Variants in HCFC2 observed in about 807,000 individuals in gnomAD.
HCFC2 encodes host cell factor 2.
In HCFC2, 18 loss-of-function variants were observed where a neutral mutation model predicts 89.2. The observed-to-expected ratio is 0.20, with a 90% CI of 0.14 to 0.30. The LOEUF (loss-of-function observed/expected upper bound fraction) is 0.30. Among genes scored for constraint, HCFC2 ranks in the 10% least tolerant of loss-of-function variants. The probability of loss-of-function intolerance (pLI) is 1.00; values close to 1 mark genes in which losing one functional copy is unlikely to be tolerated. For synonymous variants in HCFC2, 308 were observed against 335.7 expected, an observed-to-expected ratio of 0.92 and a Z score of 0.90; for missense variants, 578 against 956.1, an observed-to-expected ratio of 0.60 and a Z score of 5.21.
intron 7 of HCFC2, among the ~76,000 whole-genome samples, chr12:104,086,102 A>G (rs1170804337): frequency 1.3e-5 from 2 of 149,194 alleles, no homozygotes; most frequent in African/African-American, 5.0e-5. Flanking sequence ...GATTCAAGTG[A>G]TTCTTCTGCC....
chr12:104,106,042 T>C lies in HCFC2; in HGVS notation c.*2769T>C, dbSNP rs544351709. ...TCATATTGGCTTCATTTTAGTTTAATAAACTTCTTTGGCAACTTAATTAGA... is the reference window on the plus strand; with the variant it reads ...TCATATTGGCTTCATTTTAGTTTAACAAACTTCTTTGGCAACTTAATTAGA... On this transcript the variant is annotated 3_prime_UTR_variant, in exon 15 of 15. Coordinates refer to ENST00000229330, the MANE Select transcript of HCFC2 (RefSeq NM_013320.3). 6.6e-6 allele frequency: 1 copy of C among 152,160 alleles called. No homozygotes were observed. Among genetic ancestry groups the C allele is most frequent in the Non-Finnish European group, 1.5e-5 (1 of 67,966 alleles). The allele number at this position is 152,160 out of a possible 1,614,324, so 9.4% of individuals were successfully genotyped here. A position where few individuals can be genotyped will look rare whatever the true frequency, so the allele number is the denominator to read the frequency against.
chr12:104,086,949 A>C lies in HCFC2; in HGVS notation c.1166A>C (p.Gln389Pro). The change falls in exon 8 of 15, where the codon CAG (glutamine) becomes CCG (proline). Residue 389 changes from glutamine to proline, a missense_variant. Gln to Pro is a moderately conservative substitution (Grantham distance 76). Around this residue, in one of 4 missense-constraint regions of HCFC2, gnomAD observed 210 missense variants for 251.7 expected, o/e 0.83. Transcript: ENST00000229330. The part of the protein sequence containing the change: ...EVSTVEGYLL[Q>P]LSTDLPYQAA... ...TCTACAGTTGAGGGCTATCTTTTGCAGTTGAGTACAGACTTGCCATACCAA... is the reference window on the plus strand; with the variant it reads ...TCTACAGTTGAGGGCTATCTTTTGCCGTTGAGTACAGACTTGCCATACCAA... 1 of 1,614,150 alleles carries C rather than the reference A, an allele frequency of 6.2e-7. No homozygotes were observed. The highest frequency in any genetic ancestry group is 8.5e-7 in the Non-Finnish European group (1 of 1,179,970).
At chr12:104,065,664 G>A (rs1385670590) in intron 1 of HCFC2, among the ~76,000 whole-genome samples, 1 of 152,246 alleles carries the variant, frequency 6.6e-6, no homozygotes, top group East Asian at 1.9e-4. Context: ...AAAAGTTACT[G>A]ACACTTTGGT....
intron 12 of HCFC2, chr12:104,097,467 A>G (rs974661380): frequency 3.9e-5 from 6 of 155,746 alleles, no homozygotes; most frequent in African/African-American, 1.4e-4. Flanking sequence ...TTACAACTTT[A>G]TAGAATGAAA....
intron 7 of HCFC2, among the ~76,000 whole-genome samples, 160 bp downstream of exon 7, chr12:104,083,061 T>G (rs1201438969): frequency 6.6e-6 from 1 of 152,216 alleles, no homozygotes; most frequent in Non-Finnish European, 1.5e-5. Context: ...CTGAGAAGTA[T>G]ATAATTATCC....
At chr12:104,087,414 TG>T (rs1566232297) in intron 8 of HCFC2, among the ~76,000 whole-genome samples, 23 of 22,474 alleles carry the variant, frequency 1.0e-3, no homozygotes, top group Non-Finnish European at 2.4e-3. Flanking sequence ...GCAGTACGTG[TG>T]TGTGTGTGTG....
Position 104,098,619 on chromosome 12 carries a change from G to A in HCFC2, c.1878+139G>A, listed in dbSNP as rs367978305. The stretch of plus-strand genomic sequence containing the variant: ...GAACCCTGATTCAGGTCACTTGAAT[G>A]AGTAAAATTGGGATCCATCCACAAT... On this transcript the variant is annotated intron_variant, in intron 13 of 14. Coordinates refer to ENST00000229330, the MANE Select transcript of HCFC2 (RefSeq NM_013320.3). 10 of 795,048 alleles carry A rather than the reference G, an allele frequency of 1.3e-5. No homozygotes were observed. In the African/African-American group the frequency reaches 1.6e-4, roughly 12 times the overall value. 49.2% of individuals were successfully genotyped at this position (795,048 alleles called of 1,614,324 possible). A position where few individuals can be genotyped will look rare whatever the true frequency, so the allele number is the denominator to read the frequency against.
intron 3 of HCFC2, among the ~76,000 whole-genome samples, chr12:104,076,363 T>C (rs1403398729): frequency 1.3e-5 from 2 of 152,276 alleles, no homozygotes; most frequent in Non-Finnish European, 1.5e-5. Context: ...AGTCTCCCAC[T>C]GTGATTGTGG....
chr12:104,089,402 G>T (rs1883959745), intron 9 of HCFC2, among the ~76,000 whole-genome samples: 1 of 152,100 alleles, frequency 6.6e-6, no homozygotes, highest in African/African-American at 2.4e-5. Context: ...TGTAGTCCCA[G>T]CTACTTGGGA....
chr12:104,085,229 A>G (rs1261894051), intron 7 of HCFC2, among the ~76,000 whole-genome samples: 2 of 152,182 alleles, frequency 1.3e-5, no homozygotes, highest in Non-Finnish European at 2.9e-5. Context: ...CTACAGTAGC[A>G]TGTATTGTTT....
At chr12:104,087,210 C>T (rs1245783586) in intron 8 of HCFC2, among the ~76,000 whole-genome samples, 196 bp downstream of exon 8, 2 of 151,654 alleles carry the variant, frequency 1.3e-5, no homozygotes, top group East Asian at 1.9e-4. Context: ...CAAAAATTAG[C>T]GGGTATGGTG....
chr12:104,100,539 A>T (rs1171310101), intron 13 of HCFC2, among the ~76,000 whole-genome samples: 1 of 152,038 alleles, frequency 6.6e-6, no homozygotes, highest in Non-Finnish European at 1.5e-5. Context: ...AGGCCACTGC[A>T]CTCCAGCCTG....
chr12:104,065,758 T>C (rs984549610), intron 1 of HCFC2, among the ~76,000 whole-genome samples: 5 of 152,156 alleles, frequency 3.3e-5, no homozygotes, highest in African/African-American at 1.2e-4. Flanking sequence ...AGCGCTAAAG[T>C]TACCAAACCT....
intron 3 of HCFC2, among the ~76,000 whole-genome samples, chr12:104,070,820 T>C (rs942180075): frequency 6.7e-6 from 1 of 149,986 alleles, no homozygotes; most frequent in Non-Finnish European, 1.5e-5. Flanking sequence ...TTTTTTTTTT[T>C]TTGAGACGGA....
chr12:104,066,313 C>A lies in HCFC2; in HGVS notation c.310C>A (p.Gln104Lys). ...GRYSNELYEL[Q>K]ASRWLWKKVK... is the part of the protein sequence containing the mutation. ...ATACAGCAATGAGTTATATGAGTTA[C>A]AAGTAAGTGTATTTAATATTGTTTC... Residue 104 changes from glutamine to lysine, a missense_variant and splice_region_variant, in exon 2 of 15, where the codon CAA becomes AAA. Transcript: ENST00000229330. The A allele has an allele frequency of 6.3e-7, 1 of 1,582,244 alleles. No homozygotes were observed. Among genetic ancestry groups the A allele is most frequent in the Admixed American group, 1.9e-5 (1 of 52,690 alleles).
intron 4 of HCFC2, 65 bp from the exon 5 acceptor site, chr12:104,080,681 T>G: frequency 3.2e-6 from 3 of 928,392 alleles, no homozygotes; most frequent in South Asian, 1.5e-5. Context: ...TTTTTAAAAT[T>G]ATGGAAGTTG....
At chr12:104,081,368 T>C (rs111563462) in intron 5 of HCFC2, among the ~76,000 whole-genome samples, 5 of 152,340 alleles carry the variant, frequency 3.3e-5, no homozygotes, top group African/African-American at 9.6e-5. Flanking sequence ...AAGGCTGTAA[T>C]GAAGACTAAA....
intron 3 of HCFC2, among the ~76,000 whole-genome samples, chr12:104,070,768 A>G (rs1323180893): frequency 2.0e-5 from 3 of 151,058 alleles, no homozygotes; most frequent in Admixed American, 6.6e-5. Flanking sequence ...AGGAAAAAAA[A>G]TTATCCCACC....
intron 13 of HCFC2, among the ~76,000 whole-genome samples, chr12:104,100,558 A>C (rs12423684): frequency 0.088 from 13,409 of 152,094 alleles, 864 homozygotes; most frequent in Admixed American, 0.17. Context: ...TGGATGACAG[A>C]GTGAGATGCT....
Sources: allele counts gnomAD v4.1 joint callset (sites outside exome capture counted in the v4.1 genomes callset), GRCh38; gene constraint gnomAD v4.1.1; regional missense constraint gnomAD v4.1.1; transcripts MANE v1.5; gene names NCBI Gene and HGNC (gene_info 2026-07-23, HGNC 2026-07-21).